GRAMD1B: variants seen among roughly 807,000 people sequenced by gnomAD.
GRAMD1B encodes protein Aster-B.
GRAMD1B carries 37 observed loss-of-function variants against 99.7 expected under a neutral mutation model. The observed-to-expected ratio is 0.37, with a 90% confidence interval of 0.29 to 0.49. The LOEUF is 0.49. GRAMD1B is among the 20% of genes least tolerant of loss of function. GRAMD1B has a pLI of 0.98. For synonymous variants in GRAMD1B, 427 were observed against 387.6 expected (o/e 1.10, Z -1.19); for missense variants, 888 against 1,009.2 (o/e 0.88, Z 1.63).
chr11:123,523,225 G>A (rs1484028409), intron 2 of GRAMD1B, among the ~76,000 whole-genome samples: 5 of 152,078 alleles, frequency 3.3e-5, no homozygotes, highest in Non-Finnish European at 5.9e-5. Context: ...CCAGCTACTC[G>A]GGAGACTGAG....
At position 123,591,085 on chromosome 11, in the gene GRAMD1B, C is replaced by T. The variant is rs78612035; in HGVS notation, c.685-2997C>T. 2,993 of 214,858 alleles carry T rather than the reference C, an allele frequency of 0.014. 95 individuals carry two copies. Among genetic ancestry groups the T allele is most frequent in the African/African-American group, 0.063 (2,766 of 44,052 alleles). 13.3% of individuals were successfully genotyped at this position (214,858 alleles called of 1,614,324 possible). ...CAGGTGGAGGTGCGTGACCACACCA[C>T]CTCTGGGCTACTCTCTGCCCGTGGA... On this transcript the variant is annotated intron_variant, in intron 4 of 19. Coordinates refer to ENST00000635736, the MANE Select transcript of GRAMD1B (RefSeq NM_001387025.1). This position sits in a 1 kb window ranked among gnomAD's most constrained non-coding sequence, Gnocchi z 4.7.
intron 2 of GRAMD1B, among the ~76,000 whole-genome samples, chr11:123,554,525 C>CAAAAA (rs750680684): frequency 2.3e-4 from 20 of 86,136 alleles, no homozygotes; most frequent in African/African-American, 4.1e-4. Context: ...CCCATCTTTA[C>CAAAAA]AAAAAAAAAA....
At chr11:123,469,766 TTTCTCTTTCTTTCCTTCCTTCC>T (rs1257320222) in intron 1 of GRAMD1B, among the ~76,000 whole-genome samples, 1 of 118,472 alleles carries the variant, frequency 8.4e-6, no homozygotes, top group Non-Finnish European at 1.8e-5. Flanking sequence ...TCCTTCTTTC[TTTCTCTTTCTTTCCTTCCTTCC>T]TTCCTTCCTT....
chr11:123,392,123 G>A (rs543530995), intron 1 of GRAMD1B, among the ~76,000 whole-genome samples: 2 of 152,176 alleles, frequency 1.3e-5, no homozygotes, highest in African/African-American at 2.4e-5. Flanking sequence ...ACAATGACCC[G>A]GAGTTAGGAA....
chr11:123,513,330 G>T (rs76406784), intron 2 of GRAMD1B, among the ~76,000 whole-genome samples: 10,079 of 151,932 alleles, frequency 0.066, 460 homozygotes, highest in Non-Finnish European at 0.096. Flanking sequence ...TTCACCTTCT[G>T]GAGTCTGGAT....
chr11:123,392,655 T>A (rs1297832248), intron 1 of GRAMD1B, among the ~76,000 whole-genome samples: 3 of 152,138 alleles, frequency 2.0e-5, no homozygotes, highest in African/African-American at 7.2e-5. Flanking sequence ...GTCTTAGTCA[T>A]CACTACAGCC....
At chr11:123,466,487 AAAAG>A (rs747416783) in intron 1 of GRAMD1B, among the ~76,000 whole-genome samples, 169 of 151,622 alleles carry the variant, frequency 1.1e-3, no homozygotes, top group African/African-American at 2.3e-3. Context: ...GAAAGAAAGA[AAAAG>A]AAAGAAAGAA....
At chr11:123,502,487 C>G (rs1445960048) in intron 2 of GRAMD1B, among the ~76,000 whole-genome samples, 1 of 151,968 alleles carries the variant, frequency 6.6e-6, no homozygotes, top group Admixed American at 6.6e-5. Context: ...GTAAACCCAT[C>G]ATAAATTGAA....
At chr11:123,599,340 T>C (rs1480175898) in intron 7 of GRAMD1B, 3 of 699,800 alleles carry the variant, frequency 4.3e-6, no homozygotes, top group Non-Finnish European at 8.2e-6. Flanking sequence ...GTGATCAGAA[T>C]TGATCTGGTC....
At chr11:123,415,353 G>A (rs948089265) in intron 1 of GRAMD1B, among the ~76,000 whole-genome samples, 1 of 151,852 alleles carries the variant, frequency 6.6e-6, no homozygotes, top group African/African-American at 2.4e-5. Flanking sequence ...CGCCTGCCTC[G>A]GCCTCCCAAA....
intron 10 of GRAMD1B, 37 bp downstream of exon 10, chr11:123,605,515 C>A (rs1234351639): frequency 1.3e-6 from 2 of 1,552,790 alleles, no homozygotes; most frequent in South Asian, 2.4e-5. Flanking sequence ...ACCCCCAGTC[C>A]TGTGGCCAGC....
intron 2 of GRAMD1B, among the ~76,000 whole-genome samples, chr11:123,495,546 TC>T (rs1939146366): frequency 6.6e-6 from 1 of 152,068 alleles, no homozygotes; most frequent in Non-Finnish European, 1.5e-5. Flanking sequence ...CAGCCCCACT[TC>T]CCCCCACTTT....
At chr11:123,493,954 G>T (rs1206361637) in intron 2 of GRAMD1B, among the ~76,000 whole-genome samples, 2 of 152,062 alleles carry the variant, frequency 1.3e-5, no homozygotes, top group Admixed American at 6.6e-5. Flanking sequence ...TCCCAGTAGG[G>T]TTTCTCTCCC....
chr11:123,483,391 CTTTTTTTTTTT>C (rs67407274), intron 2 of GRAMD1B, among the ~76,000 whole-genome samples: 2 of 134,188 alleles, frequency 1.5e-5, no homozygotes, highest in East Asian at 4.3e-4. Context: ...TTTTCTTTTT[CTTTTTTTTTTT>C]TTTTTTGAGA....
intron 1 of GRAMD1B, among the ~76,000 whole-genome samples, chr11:123,373,313 C>G (rs555690648): frequency 6.6e-6 from 1 of 151,870 alleles, no homozygotes; most frequent in South Asian, 2.1e-4. Flanking sequence ...TTAGATAGCA[C>G]GGGCACTGGT....
At chr11:123,553,806 A>G (rs1945869406) in intron 2 of GRAMD1B, among the ~76,000 whole-genome samples, 1 of 152,154 alleles carries the variant, frequency 6.6e-6, no homozygotes, top group South Asian at 2.1e-4. Flanking sequence ...TATCCTAAGC[A>G]TTAATTCAGG....
intron 1 of GRAMD1B, among the ~76,000 whole-genome samples, chr11:123,397,353 G>A (rs1947502516): frequency 6.6e-6 from 1 of 152,148 alleles, no homozygotes; most frequent in Non-Finnish European, 1.5e-5. Context: ...AGTGCAGTGA[G>A]CTGAGATCAT....
chr11:123,524,474 G>A (rs925802106), intron 2 of GRAMD1B, among the ~76,000 whole-genome samples: 2 of 151,974 alleles, frequency 1.3e-5, no homozygotes, highest in African/African-American at 4.8e-5. Flanking sequence ...CCGAGTAACT[G>A]GGATTACAAG....
intron 2 of GRAMD1B, among the ~76,000 whole-genome samples, chr11:123,482,710 G>T (rs538063840): frequency 6.6e-6 from 1 of 152,216 alleles, no homozygotes; most frequent in South Asian, 2.1e-4. Flanking sequence ...AAGTGGATGT[G>T]GATGCATTAG....
Sources: gnomAD v4.1 joint callset for allele counts (sites outside exome capture counted in the v4.1 genomes callset) on GRCh38, gnomAD v4.1.1 for gene constraint, Gnocchi (gnomAD v3.1) non-coding constraint, MANE v1.5 for transcripts, NCBI Gene and HGNC (gene_info 2026-07-23, HGNC 2026-07-21) for gene names.